Variants in NRXN1 observed in about 807,000 individuals in gnomAD.
NRXN1 encodes neurexin 1.
NRXN1 carries 39 observed loss-of-function variants against 150.9 expected under a neutral mutation model. The ratio of observed to expected loss-of-function variants is 0.26; its 90% CI spans 0.20 to 0.34. NRXN1 has a LOEUF of 0.34. Among genes scored for constraint, NRXN1 ranks in the 10% least tolerant of loss-of-function variants. The pLI, the probability that NRXN1 is intolerant of heterozygous loss-of-function variation, is 1.00. For missense variants in NRXN1, 1,815 were observed against 1,949.9 expected (o/e 0.93, Z 1.30); for synonymous variants, 924 against 757.0 (o/e 1.22, Z -3.62).
rs182548170 is a variant in NRXN1 at position 50,620,646 on chromosome 2, C to T, written c.1159-463G>A. Among the ~76,000 whole-genome samples, 85 of 152,190 alleles carry T rather than the reference C, an allele frequency of 5.6e-4. 1 individual carries two copies. The highest frequency in any genetic ancestry group is 2.0e-3 in the African/African-American group (82 of 41,526). On this transcript the variant is annotated intron_variant, in intron 7 of 22. Coordinates refer to ENST00000401669, the MANE Select transcript of NRXN1 (RefSeq NM_001330078.2). Reference sequence around the variant, plus strand: ...CAACATCACTATTTGCACTATTGAGCAGCAATTGTTCAGCATGCAAGTGCC... The same window carrying T: ...CAACATCACTATTTGCACTATTGAGTAGCAATTGTTCAGCATGCAAGTGCC...
At chr2:50,974,894 T>C (rs1695581156) in intron 2 of NRXN1, among the ~76,000 whole-genome samples, 1 of 152,104 alleles carries the variant, frequency 6.6e-6, no homozygotes, top group African/African-American at 2.4e-5. Context: ...AATGTACTTG[T>C]ATTTTCCATT....
chr2:50,446,735 A>G (rs2086448516), intron 17 of NRXN1, among the ~76,000 whole-genome samples: 1 of 151,994 alleles, frequency 6.6e-6, no homozygotes. Context: ...AAAAGGGGAG[A>G]CACCTAACTG....
chr2:50,450,040 C>T (rs2086815498), intron 17 of NRXN1, among the ~76,000 whole-genome samples: 3 of 152,236 alleles, frequency 2.0e-5, no homozygotes, highest in East Asian at 3.9e-4. Context: ...TTCTACTGCA[C>T]CTGAAGCCTC....
chr2:50,073,990 G>A (rs1347897909), intron 19 of NRXN1, among the ~76,000 whole-genome samples: 1 of 152,014 alleles, frequency 6.6e-6, no homozygotes, highest in East Asian at 1.9e-4. Context: ...CATTTTTTAA[G>A]GCCTGGAAAG....
intron 17 of NRXN1, among the ~76,000 whole-genome samples, chr2:50,356,527 A>G (rs985113437): frequency 1.3e-5 from 2 of 152,014 alleles, no homozygotes; most frequent in Admixed American, 6.6e-5. Flanking sequence ...TTTCCCTCAC[A>G]TTTTCTCTGT....
At chr2:50,178,399 T>C (rs888771201) in intron 18 of NRXN1, among the ~76,000 whole-genome samples, 4 of 152,036 alleles carry the variant, frequency 2.6e-5, no homozygotes, top group African/African-American at 4.8e-5. Context: ...CAGTCCATGA[T>C]AAATGTCTTC....
At chr2:49,987,601 T>C (rs1435090) in intron 21 of NRXN1, among the ~76,000 whole-genome samples, 46,316 of 151,916 alleles carry the variant, frequency 0.3, 7,611 homozygotes, top group East Asian at 0.5. Flanking sequence ...ATTGATAGAT[T>C]GAAGCCTATA....
At chr2:50,860,516 C>G (rs1173295901) in intron 5 of NRXN1, among the ~76,000 whole-genome samples, 2 of 152,046 alleles carry the variant, frequency 1.3e-5, no homozygotes, top group Non-Finnish European at 2.9e-5. Flanking sequence ...AGGAAAACAA[C>G]ACATTGCAGA....
chr2:50,760,444 C>A (rs1253716114), intron 5 of NRXN1, among the ~76,000 whole-genome samples: 1 of 151,772 alleles, frequency 6.6e-6, no homozygotes, highest in African/African-American at 2.4e-5. Context: ...CTTCTCAGAC[C>A]CAGACAGAGC....
chr2:50,518,476 G>T (rs2092690520), intron 12 of NRXN1, among the ~76,000 whole-genome samples: 1 of 151,652 alleles, frequency 6.6e-6, no homozygotes. Context: ...AAAGAAAAGG[G>T]TTATACTGAT....
rs756990481 is a variant in NRXN1 at position 50,506,515 on chromosome 2, T to C, written c.2477A>G (p.Asp826Gly). ...TTTACCTGTCATGGCCTGTTGGTCA[T>C]CCACTGTTAACTTTAAACTTTTTCC... ...RRGKSLKLTV[D>G]DQQAMTGQMA... The change falls in exon 13 of 23, where the codon GAT becomes GGT. Residue 826 changes from aspartate (D) to glycine (G), a missense_variant. This residue lies in a region of NRXN1 where 638 missense variants were observed against 652.6 expected (regional missense o/e 0.98). Transcript: ENST00000401669. 1 of 1,612,948 alleles carries C rather than the reference T, an allele frequency of 6.2e-7. No homozygotes were observed. Among genetic ancestry groups the C allele is most frequent in the Non-Finnish European group, 8.5e-7 (1 of 1,179,334 alleles).
At chr2:50,036,629 G>T (rs560665303) in intron 21 of NRXN1, among the ~76,000 whole-genome samples, 9 of 152,252 alleles carry the variant, frequency 5.9e-5, no homozygotes, top group African/African-American at 1.7e-4. Context: ...TTCTTAAGGT[G>T]TGATTAATTA....
intron 21 of NRXN1, among the ~76,000 whole-genome samples, chr2:50,025,576 G>A (rs943309187): frequency 2.0e-5 from 3 of 152,254 alleles, no homozygotes; most frequent in Non-Finnish European, 2.9e-5. Flanking sequence ...GGACCAGAGC[G>A]TATGTAAGAA....
At chr2:49,956,824 T>C (rs1675048134) in intron 21 of NRXN1, among the ~76,000 whole-genome samples, 1 of 152,172 alleles carries the variant, frequency 6.6e-6, no homozygotes, top group African/African-American at 2.4e-5. Flanking sequence ...TATATAACTG[T>C]TGATTTAATT....
intron 21 of NRXN1, among the ~76,000 whole-genome samples, chr2:49,992,801 T>G (rs1043377344): frequency 6.6e-6 from 1 of 152,134 alleles, no homozygotes; most frequent in African/African-American, 2.4e-5. Context: ...ATTGAGCACA[T>G]GAAAGATGCT....
chr2:50,412,842 A>G (rs776340340), intron 17 of NRXN1, among the ~76,000 whole-genome samples: 7 of 152,204 alleles, frequency 4.6e-5, no homozygotes, highest in South Asian at 2.1e-4. Flanking sequence ...GGAAAAGACA[A>G]TCTCTTCAAG....
intron 17 of NRXN1, among the ~76,000 whole-genome samples, chr2:50,339,635 C>T (rs2077421408): frequency 6.6e-6 from 1 of 152,142 alleles, no homozygotes; most frequent in Admixed American, 6.5e-5. Flanking sequence ...CAGGAATCAT[C>T]ATCTTCTAGT....
intron 17 of NRXN1, among the ~76,000 whole-genome samples, chr2:50,302,373 T>C (rs1383282932): frequency 6.6e-6 from 1 of 152,226 alleles, no homozygotes; most frequent in Non-Finnish European, 1.5e-5. Context: ...AAATAATGAA[T>C]AATTTAATCA....
intron 17 of NRXN1, among the ~76,000 whole-genome samples, chr2:50,431,832 C>T (rs2084990154): frequency 6.7e-6 from 1 of 149,512 alleles, no homozygotes; most frequent in Non-Finnish European, 1.5e-5. Context: ...TGGTTCTCAA[C>T]TTTTTTTTTT....
Sources: allele counts gnomAD v4.1 joint callset (sites outside exome capture counted in the v4.1 genomes callset), GRCh38; gene constraint gnomAD v4.1.1; regional missense constraint gnomAD v4.1.1; transcripts MANE v1.5; gene names NCBI Gene and HGNC (gene_info 2026-07-23, HGNC 2026-07-21).